GRIN2A: variants seen among roughly 807,000 people sequenced by gnomAD.
GRIN2A encodes the protein glutamate receptor ionotropic, NMDA 2A.
In GRIN2A, 22 loss-of-function variants were observed where a neutral mutation model predicts 113.4. That is an observed-to-expected ratio of 0.19 (90% CI 0.14 to 0.28). GRIN2A has a LOEUF of 0.28. Ranked by LOEUF, GRIN2A falls within the 10% of genes least tolerant of loss-of-function variation. GRIN2A has a pLI of 1.00. For missense variants in GRIN2A, 1,502 were observed against 1,887.0 expected (o/e 0.80, Z 3.78); for synonymous variants, 827 against 738.4 (o/e 1.12, Z -1.94).
chr16:9,856,327 C>G (rs568812412), intron 4 of GRIN2A, among the ~76,000 whole-genome samples: 2 of 152,102 alleles, frequency 1.3e-5, no homozygotes, highest in Admixed American at 1.3e-4. Flanking sequence ...AACAAGGCCA[C>G]AGAGTTGTTA....
chr16:9,886,305 G>GA (rs199578991), intron 4 of GRIN2A, among the ~76,000 whole-genome samples: 1,790 of 151,990 alleles, frequency 0.012, 15 homozygotes, highest in Non-Finnish European at 0.018. Flanking sequence ...TGTGTAAGAG[G>GA]AAAAAAAATC....
chr16:9,773,289 A>G (rs550819833), intron 11 of GRIN2A, among the ~76,000 whole-genome samples: 79 of 152,362 alleles, frequency 5.2e-4, no homozygotes, highest in Non-Finnish European at 9.4e-4. Context: ...TAGAAGGAAT[A>G]CAAAGCAAAG....
intron 2 of GRIN2A, among the ~76,000 whole-genome samples, chr16:10,133,119 G>A (rs1051340038): frequency 5.9e-5 from 9 of 152,086 alleles, no homozygotes; most frequent in Admixed American, 4.6e-4. Flanking sequence ...ATCTCAAGAT[G>A]GATCCATAAC....
At chr16:9,993,099 G>A (rs1048355774) in intron 2 of GRIN2A, among the ~76,000 whole-genome samples, 2 of 151,762 alleles carry the variant, frequency 1.3e-5, no homozygotes, top group South Asian at 2.1e-4. Flanking sequence ...GTATGGTGGT[G>A]CACGTCTGTA....
chr16:10,029,052 A>G (rs1235794255), intron 2 of GRIN2A, among the ~76,000 whole-genome samples: 1 of 152,194 alleles, frequency 6.6e-6, no homozygotes, highest in East Asian at 1.9e-4. Flanking sequence ...ATGCAGAGGG[A>G]TCTCACTTTC....
Position 9,829,403 on chromosome 16 carries a change from G to C in GRIN2A, c.2007+20C>G, listed in dbSNP as rs1013909512. On this transcript the variant is annotated intron_variant, in intron 9 of 12. Coordinates refer to ENST00000330684, the MANE Select transcript of GRIN2A (RefSeq NM_001134407.3). ...GTTAAGACCAACCCTCAGATGGAGA[G>C]GAAAGCAAGGTGACCTTACCTTTTT... The C allele has an allele frequency of 2.6e-6, 4 of 1,536,720 alleles. No homozygotes were observed. The highest frequency in any genetic ancestry group is 1.7e-5 in the Admixed American group (1 of 59,880).
At chr16:10,150,270 G>A (rs1332740120) in intron 2 of GRIN2A, among the ~76,000 whole-genome samples, 1 of 152,138 alleles carries the variant, frequency 6.6e-6, no homozygotes. Flanking sequence ...TCTCAGTTGA[G>A]AGACTGACCA....
At chr16:9,904,355 CTCTTTT>C (rs899789777) in intron 3 of GRIN2A, among the ~76,000 whole-genome samples, 12 of 152,086 alleles carry the variant, frequency 7.9e-5, no homozygotes, top group South Asian at 2.1e-4. Context: ...ATGTCTCCTC[CTCTTTT>C]TCTTTTTCTT....
At position 9,916,584 on chromosome 16, in the gene GRIN2A, C is replaced by T. The variant is rs369299282; in HGVS notation, c.1007+21375G>A. ...TGGGCTTTCTAATAGTATCCTGCTG[C>T]GGATTAACAGACACCTGGTATTCCA... On this transcript the variant is annotated intron_variant, in intron 3 of 12. Transcript: ENST00000330684. 2.5e-4 allele frequency among the ~76,000 whole-genome samples: 38 copies of T among 152,282 alleles called. No individual in the cohort carries two copies. The South Asian group carries it at 4.1e-3, about 17-fold the overall frequency.
intron 10 of GRIN2A, among the ~76,000 whole-genome samples, chr16:9,804,787 C>T (rs1188272455): frequency 6.6e-6 from 1 of 152,188 alleles, no homozygotes; most frequent in Non-Finnish European, 1.5e-5. Flanking sequence ...CACCCCCTGC[C>T]AGGCATCTTA....
At chr16:10,062,296 A>C (rs80008934) in intron 2 of GRIN2A, among the ~76,000 whole-genome samples, 1 of 152,306 alleles carries the variant, frequency 6.6e-6, no homozygotes, top group East Asian at 1.9e-4. Context: ...AGTAGAAAAC[A>C]AAAAAAGTAT....
intron 2 of GRIN2A, among the ~76,000 whole-genome samples, chr16:10,008,063 C>T (rs972915500): frequency 1.7e-4 from 26 of 152,022 alleles, no homozygotes; most frequent in African/African-American, 6.0e-4. Context: ...ACAGTAGGCA[C>T]TCTATGAACA....
chr16:9,895,792 T>C (rs1444009807), intron 3 of GRIN2A, among the ~76,000 whole-genome samples: 1 of 152,204 alleles, frequency 6.6e-6, no homozygotes, highest in Non-Finnish European at 1.5e-5. Flanking sequence ...GTGTTTCTTA[T>C]TGAGTACAAT....
At position 10,058,162 on chromosome 16, in the gene GRIN2A, G is replaced by T. The variant is rs531776207; in HGVS notation, c.415-119611C>A. On this transcript the variant is annotated intron_variant, in intron 2 of 12. Transcript: ENST00000330684. ...TCTAGTTACTTGGGAGGCTGAGGCG[G>T]GAGAATTGCTTGAACCCGGGAGGCA... Among the ~76,000 whole-genome samples, 10 of 152,118 alleles carry T rather than the reference G, an allele frequency of 6.6e-5. No individual in the cohort carries two copies. The South Asian group carries it at 2.1e-3, about 32-fold the overall frequency.
chr16:9,883,656 C>A (rs1011359782), intron 4 of GRIN2A, among the ~76,000 whole-genome samples: 3 of 152,118 alleles, frequency 2.0e-5, no homozygotes, highest in African/African-American at 7.2e-5. Flanking sequence ...ATAAACATAT[C>A]CGTGGGAGGA....
chr16:9,803,616 T>G (rs1339532374), intron 10 of GRIN2A, among the ~76,000 whole-genome samples: 1 of 152,154 alleles, frequency 6.6e-6, no homozygotes, highest in Non-Finnish European at 1.5e-5. Context: ...ATAGGAGAAA[T>G]CCAGTTCTGC....
In GRIN2A at chr16:9,938,252, G is replaced by A. The variant is rs1483071922; in HGVS notation, c.714C>T (p.Leu238=). Residue 238 remains leucine (L), a synonymous_variant, in exon 3 of 13, where the codon CTC becomes CTT. Coordinates refer to ENST00000330684, the MANE Select transcript of GRIN2A (RefSeq NM_001134407.3). ...CAAGGGAGCGGGCCTCACTCAGAAT[G>A]AGAACAGCCTCGTCTTTGGAACAGT... The part of the protein sequence containing the change: ...LLYCSKDEAV[L]ILSEARSLGL... 1.2e-6 allele frequency: 2 copies of A among 1,614,026 alleles called. No homozygotes were observed. Among genetic ancestry groups the A allele is most frequent in the Non-Finnish European group, 1.7e-6 (2 of 1,179,986 alleles).
At chr16:9,774,177 C>T (rs11639614) in intron 11 of GRIN2A, among the ~76,000 whole-genome samples, 51,501 of 152,044 alleles carry the variant, frequency 0.34, 9,970 homozygotes, top group East Asian at 0.55. Flanking sequence ...ATTACCCATC[C>T]ACCCACTGAC....
intron 2 of GRIN2A, among the ~76,000 whole-genome samples, chr16:10,149,899 T>C (rs146468411): frequency 6.6e-6 from 1 of 152,370 alleles, no homozygotes; most frequent in East Asian, 1.9e-4. Flanking sequence ...AGTTTAATTG[T>C]GTTTAATTGA....
Sources: allele counts gnomAD v4.1 joint callset (sites outside exome capture counted in the v4.1 genomes callset), GRCh38; gene constraint gnomAD v4.1.1; transcripts MANE v1.5; gene names NCBI Gene and HGNC (gene_info 2026-07-23, HGNC 2026-07-21).